The following MGST1 variants were observed in gnomAD, a reference collection of about 807,000 sequenced individuals.
The protein encoded by MGST1 is glutathione S-transferase 12.
In MGST1, 5 loss-of-function variants were observed where a neutral mutation model predicts 8.9. The observed-to-expected ratio is 0.56, with a 90% CI of 0.29 to 1.19. MGST1 has a LOEUF of 1.19. Among genes scored for constraint, MGST1 ranks in the 50% most tolerant of loss-of-function variants. MGST1 has a pLI of 0.08. For missense variants in MGST1, 182 were observed against 187.4 expected (o/e 0.97, Z 0.17); for synonymous variants, 54 against 67.8 (o/e 0.80, Z 1.00).
intron 1 of MGST1, among the ~76,000 whole-genome samples, chr12:16,418,656 C>G (rs575446952): frequency 7.2e-4 from 109 of 152,138 alleles, no homozygotes; most frequent in Admixed American, 2.2e-3. Context: ...AAGCAGATAG[C>G]CTGTGTTTAA....
At chr12:16,360,959 A>T (rs1939961166) in intron 3 of MGST1, among the ~76,000 whole-genome samples, 1 of 150,632 alleles carries the variant, frequency 6.6e-6, no homozygotes, top group African/African-American at 2.5e-5. Context: ...TGGGTTCCTG[A>T]CCCTCAGGGG....
chr12:16,372,839 A>C (rs1251060511), intron 3 of MGST1, among the ~76,000 whole-genome samples: 2 of 148,908 alleles, frequency 1.3e-5, no homozygotes, highest in African/African-American at 4.9e-5. Context: ...ATATTCCATT[A>C]TATATTATAT....
intron 4 of MGST1, among the ~76,000 whole-genome samples, chr12:16,492,735 T>A (rs537649767): frequency 1.3e-5 from 2 of 152,200 alleles, no homozygotes; most frequent in East Asian, 3.9e-4. Flanking sequence ...ATTTGAACTT[T>A]ATATTTATAT....
At chr12:16,545,510 G>C (rs1244377299) in intron 4 of MGST1, among the ~76,000 whole-genome samples, 3 of 151,918 alleles carry the variant, frequency 2.0e-5, no homozygotes, top group African/African-American at 7.2e-5. Flanking sequence ...ACTCATTCTG[G>C]AAGTAATACC....
intron 1 of MGST1, among the ~76,000 whole-genome samples, chr12:16,397,136 C>T (rs1176004528): frequency 6.6e-6 from 1 of 152,058 alleles, no homozygotes; most frequent in Non-Finnish European, 1.5e-5. Context: ...TACTTAAAGC[C>T]AACTGCTCTT....
chr12:16,382,537 A>G (rs1442601762), upstream of MGST1, among the ~76,000 whole-genome samples: 2 of 152,132 alleles, frequency 1.3e-5, no homozygotes, highest in Non-Finnish European at 2.9e-5. Context: ...GTGAGGTGTC[A>G]GTCCGCCCCT....
chr12:16,407,051 T>C (rs945665270), intron 1 of MGST1, among the ~76,000 whole-genome samples: 1 of 152,168 alleles, frequency 6.6e-6, no homozygotes, highest in African/African-American at 2.4e-5. Context: ...ATAGCAAAGA[T>C]TGACAAGTTG....
At chr12:16,396,996 C>T (rs1940611389) in intron 1 of MGST1, among the ~76,000 whole-genome samples, 1 of 152,100 alleles carries the variant, frequency 6.6e-6, no homozygotes, top group African/African-American at 2.4e-5. Context: ...AAGAACAAAT[C>T]TAGAGGCATC....
intron 4 of MGST1, among the ~76,000 whole-genome samples, chr12:16,452,319 A>G (rs1941135125): frequency 6.6e-6 from 1 of 151,688 alleles, no homozygotes; most frequent in Non-Finnish European, 1.5e-5. Flanking sequence ...CAAGATTGCC[A>G]CATCATATAC....
intron 4 of MGST1, among the ~76,000 whole-genome samples, chr12:16,509,579 G>A (rs1941563163): frequency 6.6e-6 from 1 of 152,184 alleles, no homozygotes; most frequent in Non-Finnish European, 1.5e-5. Flanking sequence ...ATTGACAACT[G>A]TAATCAAGAT....
chr12:16,545,610 G>A (rs888845337), intron 4 of MGST1, among the ~76,000 whole-genome samples: 2 of 151,876 alleles, frequency 1.3e-5, no homozygotes, highest in Non-Finnish European at 2.9e-5. Context: ...GCTGAAACTC[G>A]CAACTTTTTA....
At position 16,584,902 on chromosome 12, in the gene MGST1, C is replaced by T. The variant is rs754910598; in HGVS notation, n.483-4626C>T. On this transcript the variant is annotated intron_variant and non_coding_transcript_variant, in intron 4 of 4. Coordinates refer to the MGST1 transcript ENST00000538857. This position sits in a 1 kb window ranked among gnomAD's most constrained non-coding sequence, Gnocchi z 5.2. The stretch of plus-strand genomic sequence containing the variant: ...GAGGAAATATTTTCAAACACCTTAG[C>T]GAACTGTACACATTAAAGGGCCTGA... Among the ~76,000 whole-genome samples, 8 of 152,098 alleles carry T rather than the reference C, an allele frequency of 5.3e-5. No homozygotes were observed. Among genetic ancestry groups the T allele is most frequent in the Admixed American group, 1.3e-4 (2 of 15,272 alleles).
At chr12:16,511,986 T>C (rs1416193188) in intron 4 of MGST1, among the ~76,000 whole-genome samples, 1 of 152,216 alleles carries the variant, frequency 6.6e-6, no homozygotes, top group Non-Finnish European at 1.5e-5. Flanking sequence ...TCAGTGTTTA[T>C]GTCAGTCTAT....
rs1266167660 is a variant in MGST1 at position 16,585,194 on chromosome 12, C to G, written n.483-4334C>G. Among the ~76,000 whole-genome samples the G allele has an allele frequency of 6.6e-6, 1 of 152,158 alleles. No individual in the cohort carries two copies. The highest frequency in any genetic ancestry group is 1.5e-5 in the Non-Finnish European group (1 of 68,042). On this transcript the variant is annotated intron_variant and non_coding_transcript_variant, in intron 4 of 4. Coordinates refer to the MGST1 transcript ENST00000538857. The surrounding 1 kb of genome is among the most constrained non-coding windows in gnomAD (Gnocchi z 4.7). The stretch of plus-strand genomic sequence containing the variant: ...TATTTTTCCTTCCAGACTCCGGAAC[C>G]TGGAGGCAATTGAGTTTGTAATTCC...
chr12:16,381,319 T>C (rs1371132013), downstream of MGST1, among the ~76,000 whole-genome samples: 1 of 152,242 alleles, frequency 6.6e-6, no homozygotes, highest in Non-Finnish European at 1.5e-5. Context: ...TCAGGAGCTC[T>C]TTCAGGGCAG....
intron 4 of MGST1, among the ~76,000 whole-genome samples, chr12:16,481,204 T>C (rs964158380): frequency 3.5e-4 from 54 of 152,318 alleles, no homozygotes; most frequent in African/African-American, 1.3e-3. Context: ...TGTGTTGATG[T>C]TTCCAATTTT....
At chr12:16,420,365 C>T (rs1461473247) in intron 1 of MGST1, among the ~76,000 whole-genome samples, 1 of 152,152 alleles carries the variant, frequency 6.6e-6, no homozygotes, top group Non-Finnish European at 1.5e-5. Context: ...CATTACTTGG[C>T]ATGAAAGCCA....
At chr12:16,454,722 A>G (rs1313551996) in intron 4 of MGST1, among the ~76,000 whole-genome samples, 1 of 151,876 alleles carries the variant, frequency 6.6e-6, no homozygotes, top group Non-Finnish European at 1.5e-5. Flanking sequence ...CATTTTAGGC[A>G]TAATATTTCT....
intron 4 of MGST1, among the ~76,000 whole-genome samples, chr12:16,476,434 G>A (rs1020063502): frequency 6.6e-6 from 1 of 152,086 alleles, no homozygotes; most frequent in Admixed American, 6.5e-5. Flanking sequence ...GTAATATACT[G>A]CAACCTTCTC....
Sources: gnomAD v4.1 joint callset for allele counts (sites outside exome capture counted in the v4.1 genomes callset) on GRCh38, gnomAD v4.1.1 for gene constraint, Gnocchi (gnomAD v3.1) non-coding constraint, MANE v1.5 for transcripts, NCBI Gene and HGNC (gene_info 2026-07-23, HGNC 2026-07-21) for gene names.